The following MYCBP2 variants were observed in gnomAD, a reference collection of about 807,000 sequenced individuals.
MYCBP2 encodes the protein MYC binding protein 2, also known as E3 ubiquitin-protein ligase MYCBP2.
A neutral mutation model predicts 525.3 loss-of-function variants in MYCBP2; 120 were observed. The observed-to-expected ratio is 0.23, with a 90% CI of 0.20 to 0.27. The LOEUF is 0.27. Among genes scored for constraint, MYCBP2 ranks in the 10% least tolerant of loss-of-function variants. The pLI is 1.00. For missense variants in MYCBP2, 4,149 were observed against 5,657.1 expected (o/e 0.73, Z 8.55); for synonymous variants, 1,894 against 1,955.8 (o/e 0.97, Z 0.83).
At chr13:77,324,858 T>G (rs2154384947) in intron 1 of MYCBP2, among the ~76,000 whole-genome samples, 1 of 152,366 alleles carries the variant, frequency 6.6e-6, no homozygotes, top group African/African-American at 2.4e-5. Context: ...AAAATAAATT[T>G]AAATTCTTTG....
At chr13:77,288,738 G>C (rs578094570) in intron 2 of MYCBP2, among the ~76,000 whole-genome samples, 1 of 152,290 alleles carries the variant, frequency 6.6e-6, no homozygotes, top group African/African-American at 2.4e-5. Flanking sequence ...ACACTGTAGA[G>C]TCTCAATGAC....
At chr13:77,077,971 G>C (rs2042607180) in intron 66 of MYCBP2, 1 of 151,798 alleles carries the variant, frequency 6.6e-6, no homozygotes, top group Non-Finnish European at 1.5e-5. Context: ...CTGTGAAATA[G>C]TTCTTGACAC....
intron 26 of MYCBP2, among the ~76,000 whole-genome samples, chr13:77,201,539 G>C (rs544250443): frequency 5.9e-5 from 9 of 151,820 alleles, no homozygotes; most frequent in South Asian, 4.2e-4. Context: ...TGCACCAAGC[G>C]GACCTAATAG....
At position 77,262,253 on chromosome 13, in the gene MYCBP2, G is replaced by A. The variant is rs948026184; in HGVS notation, c.1571-124C>T. 4.2e-6 allele frequency: 3 copies of A among 707,786 alleles called. No homozygotes were observed. The African/African-American group carries it at 5.4e-5, about 13-fold the overall frequency. The allele number at this position is 707,786 out of a possible 1,614,324, so 43.8% of individuals were successfully genotyped here. On this transcript the variant is annotated intron_variant, in intron 10 of 82. Transcript: ENST00000544440. ...CACTAAAAAACAAGGATGACAAAAT[G>A]TCATGTGCTCAAATTTTTAAAAATA...
chr13:77,123,718 TG>T (rs2051153088), intron 54 of MYCBP2, among the ~76,000 whole-genome samples: 1 of 152,222 alleles, frequency 6.6e-6, no homozygotes, highest in African/African-American at 2.4e-5. Flanking sequence ...ACATATTTTT[TG>T]TACTGCCAGT....
chr13:77,248,384 C>G (rs2070454908), intron 15 of MYCBP2, among the ~76,000 whole-genome samples: 1 of 152,040 alleles, frequency 6.6e-6, no homozygotes, highest in Non-Finnish European at 1.5e-5. Flanking sequence ...AATTAATATT[C>G]AAACTATATA....
intron 33 of MYCBP2, 52 bp from the exon 34 acceptor site, chr13:77,180,370 G>C: frequency 6.7e-7 from 1 of 1,485,086 alleles, no homozygotes; most frequent in East Asian, 2.3e-5. Context: ...TCCTTCATAG[G>C]AGTACTCAAT....
chr13:77,191,566 T>G, intron 28 of MYCBP2, 113 bp downstream of exon 28: 1 of 1,232,762 alleles, frequency 8.1e-7, no homozygotes, highest in Non-Finnish European at 1.1e-6. Flanking sequence ...AGTTATATTA[T>G]GCTCTAGTCT....
intron 55 of MYCBP2, among the ~76,000 whole-genome samples, chr13:77,108,068 T>C (rs530305036): frequency 1.3e-5 from 2 of 152,270 alleles, no homozygotes; most frequent in Admixed American, 1.3e-4. Context: ...AGAATCATGC[T>C]AATAGAATGA....
intron 21 of MYCBP2, 126 bp from the exon 22 acceptor site, chr13:77,212,286 G>T: frequency 1.4e-6 from 1 of 718,616 alleles, no homozygotes; most frequent in Non-Finnish European, 2.1e-6. Flanking sequence ...GTTAGTTTGG[G>T]TTTTTAAAAT....
intron 21 of MYCBP2, among the ~76,000 whole-genome samples, chr13:77,212,398 AGTT>A (rs2064143366): frequency 2.6e-5 from 4 of 152,198 alleles, no homozygotes; most frequent in Non-Finnish European, 5.9e-5. Context: ...TTTAAAAAAA[AGTT>A]TGAAATATTT....
At chr13:77,103,963 A>T (rs2047468192) in intron 55 of MYCBP2, among the ~76,000 whole-genome samples, 1 of 152,146 alleles carries the variant, frequency 6.6e-6, no homozygotes, top group Admixed American at 6.6e-5. Context: ...AGTTATTGAA[A>T]AAATGTTAGG....
chr13:77,162,216 G>GAATAT (rs1237375837), intron 43 of MYCBP2, among the ~76,000 whole-genome samples: 4 of 152,092 alleles, frequency 2.6e-5, no homozygotes, highest in Non-Finnish European at 4.4e-5. Context: ...CTACATTTAT[G>GAATAT]AATATAAATG....
chr13:77,304,080 A>G (rs2079109734), intron 1 of MYCBP2, among the ~76,000 whole-genome samples: 1 of 152,228 alleles, frequency 6.6e-6, no homozygotes, highest in Admixed American at 6.5e-5. Context: ...GGCTCCTGAA[A>G]AAACTAAAAA....
At chr13:77,220,780 T>G (rs537968776) in intron 20 of MYCBP2, among the ~76,000 whole-genome samples, 236 of 152,292 alleles carry the variant, frequency 1.5e-3, no homozygotes, top group African/African-American at 5.4e-3. Flanking sequence ...GTTGCTACTT[T>G]CCAAGTTCCA....
At chr13:77,206,589 T>TAAA in intron 24 of MYCBP2, 64 bp downstream of exon 24, 1 of 1,322,638 alleles carries the variant, frequency 7.6e-7, no homozygotes, top group Non-Finnish European at 1.0e-6. Context: ...TTAAATACTC[T>TAAA]AAAAAAAAAC....
intron 2 of MYCBP2, among the ~76,000 whole-genome samples, chr13:77,291,068 A>G (rs180820217): frequency 6.6e-6 from 1 of 152,354 alleles, no homozygotes; most frequent in Admixed American, 6.5e-5. Flanking sequence ...AAAATTCAAT[A>G]TCATTAAAAT....
chr13:77,187,774 C>T lies in MYCBP2; in HGVS notation c.4251+1177G>A, dbSNP rs562999301. On this transcript the variant is annotated intron_variant, in intron 30 of 82. Transcript: ENST00000544440. ...AAAAATGGTCTGGGAAGGCCGGGTG[C>T]GGTGGCTCACACCTGTAATCCCAGC... Among the ~76,000 whole-genome samples, 267 of 152,078 alleles carry T rather than the reference C, an allele frequency of 1.8e-3. 1 individual carries two copies. Among genetic ancestry groups the T allele is most frequent in the African/African-American group, 5.6e-3 (234 of 41,508 alleles).
intron 47 of MYCBP2, among the ~76,000 whole-genome samples, chr13:77,149,221 A>G (rs1190906589): frequency 2.3e-4 from 35 of 152,094 alleles, no homozygotes; most frequent in Admixed American, 2.3e-3. Context: ...ATTCTTACCA[A>G]TGTGAATCGT....
Sources: allele counts gnomAD v4.1 joint callset (sites outside exome capture counted in the v4.1 genomes callset), GRCh38; gene constraint gnomAD v4.1.1; transcripts MANE v1.5; gene names NCBI Gene and HGNC (gene_info 2026-07-23, HGNC 2026-07-21).